Variants in WDR93 observed in about 807,000 individuals in gnomAD.
WDR93 encodes WD repeat domain 93.
A neutral mutation model predicts 82.9 loss-of-function variants in WDR93; 73 were observed. The observed-to-expected ratio is 0.88, with a 90% CI of 0.73 to 1.07. The LOEUF is 1.07. Among genes scored for constraint, WDR93 ranks in the 50% least tolerant of loss-of-function variants. The probability of loss-of-function intolerance (pLI) is 0.00; values close to 1 mark genes in which losing one functional copy is unlikely to be tolerated. For synonymous variants in WDR93, 283 were observed against 300.1 expected, an observed-to-expected ratio of 0.94 and a Z score of 0.59; for missense variants, 738 against 826.0, an observed-to-expected ratio of 0.89 and a Z score of 1.31.
At chr15:89,690,706 G>A (rs1479935487), upstream of WDR93, 15 of 1,105,474 alleles carry the variant, frequency 1.4e-5, no homozygotes, top group South Asian at 1.7e-4. Flanking sequence ...GATCCCCAGG[G>A]AACGGTCAGT....
intron 3 of WDR93, chr15:89,705,049 A>G (rs1417863678): frequency 1.2e-5 from 2 of 160,366 alleles, no homozygotes; most frequent in African/African-American, 4.8e-5. Context: ...CATTAGGTTA[A>G]ATGAGAATTA....
chr15:89,702,974 G>A lies in WDR93; in HGVS notation c.328G>A (p.Ala110Thr), dbSNP rs756212387. The change falls in exon 3 of 17, where the codon GCT becomes ACT. Residue 110 changes from alanine to threonine, a missense_variant. Transcript: ENST00000268130. The stretch of plus-strand genomic sequence containing the variant: ...GCTCAACAAAATGCCAAATTGTATG[G>A]CTGTTTCCCAAGACTATGTGTTTAT... ...IQLNKMPNCM[A>T]VSQDYVFIGG... is the part of the protein sequence containing the mutation. The A allele has an allele frequency of 6.2e-7, 1 of 1,613,952 alleles. No homozygotes were observed. Among genetic ancestry groups the A allele is most frequent in the Admixed American group, 1.7e-5 (1 of 60,000 alleles).
At chr15:89,703,842 A>C (rs1278043532) in intron 3 of WDR93, 2 of 152,436 alleles carry the variant, frequency 1.3e-5, no homozygotes, top group Non-Finnish European at 2.9e-5. Flanking sequence ...ATCTCTCTAG[A>C]CCTCAGGCTC....
At position 89,716,948 on chromosome 15, in the gene WDR93, T is replaced by C. The variant is rs752991652; in HGVS notation, c.794T>C (p.Met265Thr). The C allele has an allele frequency of 7.1e-6, 11 of 1,542,464 alleles. No individual in the cohort carries two copies. Among genetic ancestry groups the C allele is most frequent in the Admixed American group, 5.9e-5 (3 of 51,272 alleles). ...LGPISADPLEMDANVSFKGDI... is the reference protein window; with the variant it reads ...LGPISADPLETDANVSFKGDI... ...CCCATTTCTGCAGATCCTTTAGAAA[T>C]GGTAAGAAACTTTAAAGAAAATCTC... The change falls in exon 7 of 17, where the codon ATG becomes ACG. Residue 265 changes from methionine (M) to threonine (T), a missense_variant and splice_region_variant. Physicochemically the swap from Met to Thr is moderately conservative, Grantham distance 81 (BLOSUM62 -1). Coordinates refer to ENST00000268130, the MANE Select transcript of WDR93 (RefSeq NM_020212.2).
chr15:89,713,921 G>A (rs1251760909), intron 5 of WDR93, among the ~76,000 whole-genome samples: 2 of 152,176 alleles, frequency 1.3e-5, no homozygotes, highest in Non-Finnish European at 2.9e-5. Flanking sequence ...GAGGCCAGAA[G>A]TGTGAAATTA....
chr15:89,727,564 A>C (rs1449949492), intron 9 of WDR93, among the ~76,000 whole-genome samples: 3 of 152,200 alleles, frequency 2.0e-5, no homozygotes, highest in Admixed American at 2.0e-4. Flanking sequence ...TATCTCTAAA[A>C]TAAATAAGCT....
At chr15:89,696,667 G>A (rs1023536870) in intron 1 of WDR93, among the ~76,000 whole-genome samples, 4 of 151,962 alleles carry the variant, frequency 2.6e-5, no homozygotes, top group Non-Finnish European at 5.9e-5. Flanking sequence ...GCTAATTTTT[G>A]TATTTTTTGT....
In WDR93 at chr15:89,733,048, G is replaced by A; in HGVS notation, c.1373G>A (p.Cys458Tyr). 1 of 1,614,126 alleles carries A rather than the reference G, an allele frequency of 6.2e-7. No individual in the cohort carries two copies. The highest frequency in any genetic ancestry group is 8.5e-7 in the Non-Finnish European group (1 of 1,180,020). ...GCTGCTCTTCCTCAGGGATGTTTCTGCCAAAGCATTCACTTCCTAAAATAT... is the reference window on the plus strand; with the variant it reads ...GCTGCTCTTCCTCAGGGATGTTTCTACCAAAGCATTCACTTCCTAAAATAT... ...GVAALPQGCF[C>Y]QSIHFLKYFS... Residue 458 changes from cysteine (C) to tyrosine (Y), a missense_variant, in exon 13 of 17, where the codon TGC (cysteine) becomes TAC (tyrosine). By Grantham distance (194) the Cys-to-Tyr change is radical. Transcript: ENST00000268130.
At chr15:89,721,687 C>G (rs1462417142) in intron 7 of WDR93, among the ~76,000 whole-genome samples, 1 of 152,198 alleles carries the variant, frequency 6.6e-6, no homozygotes, top group Non-Finnish European at 1.5e-5. Flanking sequence ...TTCACAGGCA[C>G]AGTCATAGCA....
At chr15:89,720,750 TG>T (rs1426535919) in intron 7 of WDR93, among the ~76,000 whole-genome samples, 1 of 152,230 alleles carries the variant, frequency 6.6e-6, no homozygotes, top group African/African-American at 2.4e-5. Flanking sequence ...ATTCCCACAA[TG>T]TGGATTATAT....
rs1439128063 is a variant in WDR93, at chr15:89,743,579, T to C, written c.*188T>C. On this transcript the variant is annotated 3_prime_UTR_variant, in exon 17 of 17. Transcript: ENST00000268130. ...GGGGACCTTCAACCACTAAGCCTCT[T>C]GTCAGAGCCCTCAGGCAGGCAGATG... 3.3e-6 allele frequency: 2 copies of C among 599,734 alleles called. No homozygotes were observed. The highest frequency in any genetic ancestry group is 2.0e-5 in the South Asian group (1 of 49,378). 37.2% of individuals were successfully genotyped at this position (599,734 alleles called of 1,614,324 possible).
rs1967829294 is a variant in WDR93, at chr15:89,743,373, A to G, written c.2043A>G (p.Arg681=). 1.2e-6 allele frequency: 2 copies of G among 1,614,156 alleles called. No homozygotes were observed. Among genetic ancestry groups the G allele is most frequent in the Non-Finnish European group, 1.7e-6 (2 of 1,180,022 alleles). The part of the protein sequence containing the change: ...RLQRYSLSLQ[R]ENFKK Reference sequence around the variant, plus strand: ...AGAGGTACTCCTTGTCGCTCCAGAGAGAGAACTTCAAGAAGTGAGGCTGCC... The same window carrying G: ...AGAGGTACTCCTTGTCGCTCCAGAGGGAGAACTTCAAGAAGTGAGGCTGCC... Residue 681 remains arginine, a synonymous_variant, in exon 17 of 17, where the codon AGA becomes AGG. Coordinates refer to ENST00000268130, the MANE Select transcript of WDR93 (RefSeq NM_020212.2).
At chr15:89,738,275 G>A (rs763139366) in intron 16 of WDR93, 39 bp downstream of exon 16, 1 of 1,535,314 alleles carries the variant, frequency 6.5e-7, no homozygotes, top group Non-Finnish European at 8.8e-7. Context: ...CCACATCTGA[G>A]GTTGTCTCTG....
intron 16 of WDR93, among the ~76,000 whole-genome samples, chr15:89,740,378 A>C (rs1468517924): frequency 6.6e-6 from 1 of 152,198 alleles, no homozygotes; most frequent in Non-Finnish European, 1.5e-5. Flanking sequence ...CAGGAGACGA[A>C]TATGGTCTCA....
At chr15:89,710,030 C>T (rs558211217) in intron 4 of WDR93, among the ~76,000 whole-genome samples, 1 of 152,028 alleles carries the variant, frequency 6.6e-6, no homozygotes, top group Non-Finnish European at 1.5e-5. Flanking sequence ...TGTGCTGGCA[C>T]GCGCCTGTAG....
intron 7 of WDR93, among the ~76,000 whole-genome samples, chr15:89,718,403 G>A (rs1966358062): frequency 6.6e-6 from 1 of 151,212 alleles, no homozygotes; most frequent in African/African-American, 2.4e-5. Flanking sequence ...GAACCCGGGA[G>A]GCGGAGGTTG....
At chr15:89,703,168 G>A (rs767819018) in intron 3 of WDR93, 26 bp downstream of exon 3, 1 of 1,613,378 alleles carries the variant, frequency 6.2e-7, no homozygotes, top group East Asian at 2.2e-5. Flanking sequence ...TTCCTTTTTA[G>A]CCTCATTTAC....
chr15:89,711,973 C>G lies in WDR93; in HGVS notation c.562-53C>G, dbSNP rs1464727655. On this transcript the variant is annotated intron_variant, in intron 4 of 16. Coordinates refer to ENST00000268130, the MANE Select transcript of WDR93 (RefSeq NM_020212.2). ...GCAGACCACAGAAGGTCCTGAAATA[C>G]ATTCTCTGTCAGCAGGCTATGCCTA... 5.5e-6 allele frequency: 8 copies of G among 1,458,214 alleles called. No individual in the cohort carries two copies. In the East Asian group the frequency reaches 1.6e-4, roughly 29 times the overall value. The allele number at this position is 1,458,214 out of a possible 1,614,324, so 90.3% of individuals were successfully genotyped here.
At chr15:89,722,887 A>G (rs1483956108) in intron 8 of WDR93, among the ~76,000 whole-genome samples, 1 of 152,032 alleles carries the variant, frequency 6.6e-6, no homozygotes, top group Non-Finnish European at 1.5e-5. Flanking sequence ...CGGTAGCATT[A>G]TGTACAGAGG....
Sources: gnomAD v4.1 joint callset for allele counts (sites outside exome capture counted in the v4.1 genomes callset) on GRCh38, gnomAD v4.1.1 for gene constraint, MANE v1.5 for transcripts, NCBI Gene and HGNC (gene_info 2026-07-23, HGNC 2026-07-21) for gene names.